Variants in ABLIM3 observed in about 807,000 individuals in gnomAD.
ABLIM3 encodes actin binding LIM protein family member 3.
ABLIM3 carries 61 observed loss-of-function variants against 109.5 expected under a neutral mutation model. That is an observed-to-expected ratio of 0.56 (90% CI 0.45 to 0.69). The LOEUF (loss-of-function observed/expected upper bound fraction) is 0.69. ABLIM3 is among the 30% of genes least tolerant of loss of function. The pLI is 0.00. For missense variants in ABLIM3, 796 were observed against 889.5 expected (o/e 0.89, Z 1.34); for synonymous variants, 300 against 324.8 (o/e 0.92, Z 0.82).
At chr5:149,233,386 A>C (rs1762053024) in intron 10 of ABLIM3, 86 bp downstream of exon 10, 1 of 1,374,614 alleles carries the variant, frequency 7.3e-7, no homozygotes, top group South Asian at 1.2e-5. Flanking sequence ...GGAGCTCTCA[A>C]GTTTTCATCC....
chr5:149,246,584 G>A (rs762247859), intron 17 of ABLIM3, 38 bp downstream of exon 17: 2 of 1,604,794 alleles, frequency 1.2e-6, no homozygotes, highest in Admixed American at 1.7e-5. Flanking sequence ...GATGCTTAGA[G>A]CGTATATCAC....
intron 16 of ABLIM3, 78 bp from the exon 17 acceptor site, chr5:149,246,404 T>TTTTTAAAAAAAAAAGTGGCTTTTC: frequency 7.6e-7 from 1 of 1,323,072 alleles, no homozygotes; most frequent in Non-Finnish European, 1.0e-6. Flanking sequence ...GTGGCTTTTC[T>TTTTTAAAAAAAAAAGTGGCTTTTC]TTTTTAAAAA....
At chr5:149,242,633 A>G in intron 15 of ABLIM3, 95 bp downstream of exon 15, 1 of 1,320,932 alleles carries the variant, frequency 7.6e-7, no homozygotes, top group Non-Finnish European at 1.1e-6. Flanking sequence ...CAGGAGCCAC[A>G]AAACACAAGG....
chr5:149,244,180 TG>T (rs1290537202), intron 15 of ABLIM3: 2 of 152,404 alleles, frequency 1.3e-5, no homozygotes, highest in African/African-American at 4.8e-5. Context: ...GTGACTGCAG[TG>T]GGTCTTTTTG....
chr5:149,221,213 C>T (rs528372824), intron 8 of ABLIM3, among the ~76,000 whole-genome samples: 29 of 152,222 alleles, frequency 1.9e-4, no homozygotes, highest in African/African-American at 7.0e-4. Context: ...GGAAGCAGAA[C>T]GAGGTGGAGA....
chr5:149,157,096 C>A (rs1035922023), intron 2 of ABLIM3, among the ~76,000 whole-genome samples: 1 of 152,136 alleles, frequency 6.6e-6, no homozygotes, highest in Non-Finnish European at 1.5e-5. Context: ...CAGAGAGGAC[C>A]AGAAAGCGTT....
At chr5:149,257,644 A>T (rs571543512) in intron 23 of ABLIM3, among the ~76,000 whole-genome samples, 1 of 152,356 alleles carries the variant, frequency 6.6e-6, no homozygotes, top group East Asian at 1.9e-4. Context: ...TTGACAATGT[A>T]TCACACTTTT....
intron 2 of ABLIM3, among the ~76,000 whole-genome samples, chr5:149,179,854 C>T (rs1014838477): frequency 9.9e-5 from 15 of 152,128 alleles, no homozygotes; most frequent in African/African-American, 3.6e-4. Flanking sequence ...CAGTGGTCAC[C>T]TGTGACTATT....
At chr5:149,248,242 C>A (rs56205716) in intron 18 of ABLIM3, among the ~76,000 whole-genome samples, 1 of 152,176 alleles carries the variant, frequency 6.6e-6, no homozygotes. Flanking sequence ...AGCCCCAAAC[C>A]CTGCAATGCC....
intron 8 of ABLIM3, among the ~76,000 whole-genome samples, chr5:149,229,027 A>T (rs1487508603): frequency 6.6e-6 from 1 of 152,076 alleles, no homozygotes; most frequent in African/African-American, 2.4e-5. Context: ...TGTCCATCTC[A>T]TCCATTTCCT....
intron 3 of ABLIM3, among the ~76,000 whole-genome samples, chr5:149,191,228 T>C (rs528955031): frequency 2.0e-5 from 3 of 152,184 alleles, no homozygotes; most frequent in African/African-American, 7.2e-5. Context: ...ATCAACAATA[T>C]TAAGAATTAA....
intron 2 of ABLIM3, 81 bp downstream of exon 2, chr5:149,142,189 A>G: frequency 6.3e-7 from 1 of 1,586,160 alleles, no homozygotes; most frequent in African/African-American, 1.3e-5. Context: ...GGCTGCCTGG[A>G]AAGAGGAAGG....
At chr5:149,156,323 C>T (rs1373821780) in intron 2 of ABLIM3, among the ~76,000 whole-genome samples, 1 of 152,172 alleles carries the variant, frequency 6.6e-6, no homozygotes, top group African/African-American at 2.4e-5. Context: ...TACCAGACCC[C>T]CAAACGTCAG....
intron 3 of ABLIM3, among the ~76,000 whole-genome samples, chr5:149,185,015 A>C (rs1756817964): frequency 6.6e-6 from 1 of 152,182 alleles, no homozygotes; most frequent in African/African-American, 2.4e-5. Flanking sequence ...TTATTTTTAC[A>C]CCCTCTGAAA....
intron 2 of ABLIM3, among the ~76,000 whole-genome samples, chr5:149,170,263 T>TCC (rs1755274916): frequency 2.0e-5 from 3 of 149,202 alleles, no homozygotes; most frequent in African/African-American, 5.0e-5. Flanking sequence ...TCTCTCTCTC[T>TCC]CCTTCTCCCT....
intron 18 of ABLIM3, 72 bp downstream of exon 18, chr5:149,248,001 T>C: frequency 6.5e-7 from 1 of 1,542,480 alleles, no homozygotes; most frequent in Non-Finnish European, 8.8e-7. Context: ...TGTCAGCTGT[T>C]TGCTCTGAGC....
chr5:149,199,609 C>G (rs1758311045), intron 4 of ABLIM3, among the ~76,000 whole-genome samples: 1 of 152,230 alleles, frequency 6.6e-6, no homozygotes, highest in Admixed American at 6.5e-5. Context: ...CCGACTCTCA[C>G]CCTGGTGCTC....
At chr5:149,221,820 A>T (rs1760680473) in intron 8 of ABLIM3, among the ~76,000 whole-genome samples, 1 of 152,046 alleles carries the variant, frequency 6.6e-6, no homozygotes, top group Non-Finnish European at 1.5e-5. Context: ...TCATGAGACA[A>T]ATTTTGCTCT....
chr5:149,195,234 A>G (rs1757847743), intron 3 of ABLIM3, among the ~76,000 whole-genome samples: 1 of 152,182 alleles, frequency 6.6e-6, no homozygotes, highest in Non-Finnish European at 1.5e-5. Context: ...GACCACAGAC[A>G]AAGGTCCAAT....
Sources: allele counts gnomAD v4.1 joint callset (sites outside exome capture counted in the v4.1 genomes callset), GRCh38; gene constraint gnomAD v4.1.1; transcripts MANE v1.5; gene names NCBI Gene and HGNC (gene_info 2026-07-23, HGNC 2026-07-21).